The following TBCC variants were observed in gnomAD, a reference collection of about 807,000 sequenced individuals.
The protein encoded by TBCC is tubulin folding cofactor C.
In TBCC, 25 loss-of-function variants were observed where a neutral mutation model predicts 25.3. That is an observed-to-expected ratio of 0.99 (90% CI 0.72 to 1.38). The LOEUF (loss-of-function observed/expected upper bound fraction) is 1.38. TBCC is among the 40% of genes most tolerant of loss of function. TBCC has a pLI of 0.00. For missense variants in TBCC, 507 were observed against 447.2 expected (o/e 1.13, Z -1.21); for synonymous variants, 226 against 192.8 (o/e 1.17, Z -1.43).
In TBCC at chr6:42,745,772, G is replaced by C. The variant is rs867399639; in HGVS notation, c.302C>G (p.Ser101Ter). ...LQGLQKLINDSVFFLAAYDLR... is the reference protein window; with the variant it reads ...LQGLQKLIND Reference sequence around the variant, plus strand: ...GTCGTAAGCGGCTAGGAAAAAAACTGAGTCGTTGATTAGTTTCTGCAGCCC... The same window carrying C: ...GTCGTAAGCGGCTAGGAAAAAAACTCAGTCGTTGATTAGTTTCTGCAGCCC... Residue 101 changes from serine (S) to a stop codon, truncating the protein, a stop_gained, in exon 1 of 1, where the codon TCA becomes TGA. Transcript: ENST00000372876. LOFTEE classifies it high-confidence loss of function. This position sits in a 1 kb window ranked among gnomAD's most constrained non-coding sequence, Gnocchi z 4.2. 12 of 1,613,856 alleles carry C rather than the reference G, an allele frequency of 7.4e-6. No homozygotes were observed. Among genetic ancestry groups the C allele is most frequent in the Middle Eastern group, 1.7e-4 (1 of 6,060 alleles).
chr6:42,745,854 G>C lies in TBCC; in HGVS notation c.220C>G (p.Leu74Val). 1 of 1,613,626 alleles carries C rather than the reference G, an allele frequency of 6.2e-7. No homozygotes were observed. Among genetic ancestry groups the C allele is most frequent in the Non-Finnish European group, 8.5e-7 (1 of 1,180,038 alleles). ...TCGACCGACTCCGCGCGCTCCAGAA[G>C]CTCTTCCACGGCCGCTCGCTCCCGA... is the stretch of plus-strand genomic sequence containing the variant. The part of the protein sequence containing the change: ...FVRERAAVEE[L>V]LERAESVERL... Residue 74 changes from leucine (L) to valine (V), a missense_variant, in exon 1 of 1, where the codon CTT becomes GTT. Coordinates refer to ENST00000372876, the MANE Select transcript of TBCC (RefSeq NM_003192.3). The surrounding 1 kb of genome is among the most constrained non-coding windows in gnomAD (Gnocchi z 4.2).
Position 42,745,877 on chromosome 6 carries a change from C to T in TBCC, c.197G>A (p.Arg66Gln), listed in dbSNP as rs139092352. Reference protein sequence around the residue: ...NSHFFVATFVRERAAVEELLE... With the variant: ...NSHFFVATFVQERAAVEELLE... Reference sequence around the variant, plus strand: ...AAGCTCTTCCACGGCCGCTCGCTCCCGAACAAAGGTGGCGACGAAAAAGTG... The same window carrying T: ...AAGCTCTTCCACGGCCGCTCGCTCCTGAACAAAGGTGGCGACGAAAAAGTG... Residue 66 changes from arginine (R) to glutamine (Q), a missense_variant, in exon 1 of 1, where the codon CGG (arginine) becomes CAG (glutamine). Arg to Gln is a conservative substitution (Grantham distance 43). Transcript: ENST00000372876. The surrounding 1 kb of genome is among the most constrained non-coding windows in gnomAD (Gnocchi z 4.2). 2.9e-5 allele frequency: 47 copies of T among 1,613,908 alleles called. No individual in the cohort carries two copies. Among genetic ancestry groups the T allele is most frequent in the Admixed American group, 2.5e-4 (15 of 60,010 alleles).
Position 42,744,942 on chromosome 6 carries a change from G to A in TBCC, c.*91C>T. 1 of 1,215,454 alleles carries A rather than the reference G, an allele frequency of 8.2e-7. No homozygotes were observed. The highest frequency in any genetic ancestry group is 1.2e-6 in the Non-Finnish European group (1 of 855,544). The allele number at this position is 1,215,454 out of a possible 1,614,324, so 75.3% of individuals were successfully genotyped here. ...CCTTAAAATGCTGAAAACATACACA[G>A]TGTGACAATAAGTAAACTTCGAGAC... is the stretch of plus-strand genomic sequence containing the variant. On this transcript the variant is annotated 3_prime_UTR_variant, in exon 1 of 1. Transcript: ENST00000372876.
At position 42,745,038 on chromosome 6, in the gene TBCC, C is replaced by G. The variant is rs765782764; in HGVS notation, c.1036G>C (p.Asp346His). The G allele has an allele frequency of 6.2e-7, 1 of 1,613,338 alleles. No individual in the cohort carries two copies. Among genetic ancestry groups the G allele is most frequent in the Non-Finnish European group, 8.5e-7 (1 of 1,179,526 alleles). Residue 346 changes from aspartate to histidine, a missense_variant, in exon 1 of 1, where the codon GAC (aspartate) becomes CAC (histidine). Asp to His is a moderately conservative substitution (Grantham distance 81). Transcript: ENST00000372876. This position sits in a 1 kb window ranked among gnomAD's most constrained non-coding sequence, Gnocchi z 4.2. ...AAGAACAGAGTGACAACTGCTTAGTCCCACTGGATATTTCGCTCCTCTTCA... is the reference window on the plus strand; with the variant it reads ...AAGAACAGAGTGACAACTGCTTAGTGCCACTGGATATTTCGCTCCTCTTCA... ...LPEEERNIQW[D>H]
rs755648282 is a variant in TBCC at position 42,744,920 on chromosome 6, T to C, written c.*113A>G. 1.2e-5 allele frequency: 12 copies of C among 1,030,628 alleles called. No individual in the cohort carries two copies. Among genetic ancestry groups the C allele is most frequent in the Non-Finnish European group, 1.7e-5 (12 of 706,544 alleles). The allele number at this position is 1,030,628 out of a possible 1,614,324, so 63.8% of individuals were successfully genotyped here. On this transcript the variant is annotated 3_prime_UTR_variant, in exon 1 of 1. Transcript: ENST00000372876. ...AGGAGCCCATTACAATCTCTAGCCTTAAAATGCTGAAAACATACACAGTGT... is the reference window on the plus strand; with the variant it reads ...AGGAGCCCATTACAATCTCTAGCCTCAAAATGCTGAAAACATACACAGTGT...
Position 42,744,928 on chromosome 6 carries a change from T to C in TBCC, c.*105A>G, listed in dbSNP as rs997212309. ...ATTACAATCTCTAGCCTTAAAATGC[T>C]GAAAACATACACAGTGTGACAATAA... On this transcript the variant is annotated 3_prime_UTR_variant, in exon 1 of 1. Transcript: ENST00000372876. 1.7e-5 allele frequency: 19 copies of C among 1,101,836 alleles called. No individual in the cohort carries two copies. In the African/African-American group the frequency reaches 2.2e-4, roughly 13 times the overall value. The allele number at this position is 1,101,836 out of a possible 1,614,324, so 68.3% of individuals were successfully genotyped here. A position where few individuals can be genotyped will look rare whatever the true frequency, so the allele number is the denominator to read the frequency against.
rs776874448 is a variant in TBCC at position 42,745,108 on chromosome 6, G to A, written c.966C>T (p.Asn322=). 3 of 1,614,220 alleles carry A rather than the reference G, an allele frequency of 1.9e-6. No homozygotes were observed. The highest frequency in any genetic ancestry group is 2.7e-5 in the African/African-American group (2 of 75,056). Residue 322 remains asparagine, a synonymous_variant, in exon 1 of 1, where the codon AAC becomes AAT. Coordinates refer to ENST00000372876, the MANE Select transcript of TBCC (RefSeq NM_003192.3). This position sits in a 1 kb window ranked among gnomAD's most constrained non-coding sequence, Gnocchi z 4.2. ...KNNWNDVDDF[N]WLARDMASPN... ...GGGAGGCCATATCCCGGGCCAGCCAGTTAAAATCGTCAACATCGTTCCAGT... is the reference window on the plus strand; with the variant it reads ...GGGAGGCCATATCCCGGGCCAGCCAATTAAAATCGTCAACATCGTTCCAGT...
chr6:42,746,043 C>A lies in TBCC; in HGVS notation c.31G>T (p.Val11Phe). Reference protein sequence around the residue: MESVSCSAAAVRTGDMESQRD... With the variant: MESVSCSAAAFRTGDMESQRD... ...TGGGACTCCATGTCTCCGGTCCTGACAGCAGCAGCGGAGCAACTGACGGAC... is the reference window on the plus strand; with the variant it reads ...TGGGACTCCATGTCTCCGGTCCTGAAAGCAGCAGCGGAGCAACTGACGGAC... The change falls in exon 1 of 1, where the codon GTC (valine) becomes TTC (phenylalanine). Residue 11 changes from valine (V) to phenylalanine (F), a missense_variant. Transcript: ENST00000372876. 2.5e-6 allele frequency: 4 copies of A among 1,613,746 alleles called. No individual in the cohort carries two copies. The highest frequency in any genetic ancestry group is 3.4e-6 in the Non-Finnish European group (4 of 1,179,702).
In TBCC at chr6:42,745,133, T is replaced by C; in HGVS notation, c.941A>G (p.Asn314Ser). The change falls in exon 1 of 1, where the codon AAC becomes AGC. Residue 314 changes from asparagine (N) to serine (S), a missense_variant. Physicochemically the swap from Asn to Ser is conservative, Grantham distance 46. Transcript: ENST00000372876. This position sits in a 1 kb window ranked among gnomAD's most constrained non-coding sequence, Gnocchi z 4.2. ...ESSGLDRSKN[N>S]WNDVDDFNWL... is the part of the protein sequence containing the mutation. ...GTTAAAATCGTCAACATCGTTCCAG[T>C]TATTTTTGCTCCTATCTAAACCAGA... The C allele has an allele frequency of 4.3e-6, 7 of 1,614,214 alleles. No individual in the cohort carries two copies. The highest frequency in any genetic ancestry group is 5.9e-6 in the Non-Finnish European group (7 of 1,180,030).
In TBCC at chr6:42,745,510, G is replaced by C. The variant is rs1301595981; in HGVS notation, c.564C>G (p.Asn188Lys). ...LGPSWVCGFS[N>K]LESQVLEKRA... The stretch of plus-strand genomic sequence containing the variant: ...TCTTCTCCAAGACTTGGGACTCCAG[G>C]TTGGAGAAACCGCAGACCCAGCTGG... The change falls in exon 1 of 1, where the codon AAC (asparagine) becomes AAG (lysine). Residue 188 changes from asparagine to lysine, a missense_variant. Asn to Lys is a moderately conservative substitution (Grantham distance 94). Coordinates refer to ENST00000372876, the MANE Select transcript of TBCC (RefSeq NM_003192.3). The surrounding 1 kb of genome is among the most constrained non-coding windows in gnomAD (Gnocchi z 4.2). 1.2e-6 allele frequency: 2 copies of C among 1,611,454 alleles called. No homozygotes were observed. The highest frequency in any genetic ancestry group is 1.7e-6 in the Non-Finnish European group (2 of 1,178,922).
Position 42,745,743 on chromosome 6 carries a change from G to T in TBCC, c.331C>A (p.Arg111=). 1 of 1,613,896 alleles carries T rather than the reference G, an allele frequency of 6.2e-7. No homozygotes were observed. Among genetic ancestry groups the T allele is most frequent in the Non-Finnish European group, 8.5e-7 (1 of 1,179,970 alleles). The change falls in exon 1 of 1, where the codon CGG becomes AGG. Residue 111 remains arginine (R), a synonymous_variant. Coordinates refer to ENST00000372876, the MANE Select transcript of TBCC (RefSeq NM_003192.3). This position sits in a 1 kb window ranked among gnomAD's most constrained non-coding sequence, Gnocchi z 4.2. ...CGCGCCAGCGCCTCTTGTCCCTGCC[G>T]CAGGTCGTAAGCGGCTAGGAAAAAA... The part of the protein sequence containing the change: ...SVFFLAAYDL[R]QGQEALARLQ...
rs1562443238 is a variant in TBCC, at chr6:42,745,957, T to C, written c.117A>G (p.Glu39=). The C allele has an allele frequency of 1.2e-6, 2 of 1,614,218 alleles. No individual in the cohort carries two copies. Among genetic ancestry groups the C allele is most frequent in the Non-Finnish European group, 1.7e-6 (2 of 1,180,036 alleles). The change falls in exon 1 of 1, where the codon GAA becomes GAG. Residue 39 remains glutamate, a synonymous_variant. Coordinates refer to ENST00000372876, the MANE Select transcript of TBCC (RefSeq NM_003192.3). The surrounding 1 kb of genome is among the most constrained non-coding windows in gnomAD (Gnocchi z 4.2). ...GCCGCTTTTGTTTCCGCCTTTCAACTTCCAGCTGCCGTTCTTGTTCGCGTC... is the reference window on the plus strand; with the variant it reads ...GCCGCTTTTGTTTCCGCCTTTCAACCTCCAGCTGCCGTTCTTGTTCGCGTC... ...LQRREQERQL[E]VERRKQKRQN...
In TBCC at chr6:42,745,857, C is replaced by G; in HGVS notation, c.217G>C (p.Glu73Gln). The G allele has an allele frequency of 6.2e-7, 1 of 1,613,724 alleles. No homozygotes were observed. Among genetic ancestry groups the G allele is most frequent in the Non-Finnish European group, 8.5e-7 (1 of 1,180,034 alleles). Residue 73 changes from glutamate (E) to glutamine (Q), a missense_variant, in exon 1 of 1, where the codon GAG becomes CAG. Glu to Gln is a conservative substitution (Grantham distance 29, BLOSUM62 2). Transcript: ENST00000372876. This position sits in a 1 kb window ranked among gnomAD's most constrained non-coding sequence, Gnocchi z 4.2. ...TFVRERAAVE[E>Q]LLERAESVER... ...ACCGACTCCGCGCGCTCCAGAAGCTCTTCCACGGCCGCTCGCTCCCGAACA... is the reference window on the plus strand; with the variant it reads ...ACCGACTCCGCGCGCTCCAGAAGCTGTTCCACGGCCGCTCGCTCCCGAACA...
Position 42,745,122 on chromosome 6 carries a change from C to T in TBCC, c.952G>A (p.Val318Ile), listed in dbSNP as rs770453007. 16 of 1,614,122 alleles carry T rather than the reference C, an allele frequency of 9.9e-6. No homozygotes were observed. In the African/African-American group the frequency reaches 1.7e-4, roughly 17 times the overall value. ...CGGGCCAGCCAGTTAAAATCGTCAA[C>T]ATCGTTCCAGTTATTTTTGCTCCTA... ...LDRSKNNWND[V>I]DDFNWLARDM... The change falls in exon 1 of 1, where the codon GTT (valine) becomes ATT (isoleucine). Residue 318 changes from valine to isoleucine, a missense_variant. By Grantham distance (29) the Val-to-Ile change is conservative. Coordinates refer to ENST00000372876, the MANE Select transcript of TBCC (RefSeq NM_003192.3). This position sits in a 1 kb window ranked among gnomAD's most constrained non-coding sequence, Gnocchi z 4.2.
chr6:42,745,921 C>G lies in TBCC; in HGVS notation c.153G>C (p.Glu51Asp), dbSNP rs371722048. ...ERRKQKRQNQ[E>D]VEKENSHFFV... is the part of the protein sequence containing the mutation. ...AAAAGTGGCTGTTCTCCTTCTCTAC[C>G]TCCTGGTTCTGCCGCTTTTGTTTCC... The change falls in exon 1 of 1, where the codon GAG becomes GAC. Residue 51 changes from glutamate (E) to aspartate (D), a missense_variant. Physicochemically the swap from Glu to Asp is conservative, Grantham distance 45. Coordinates refer to ENST00000372876, the MANE Select transcript of TBCC (RefSeq NM_003192.3). The surrounding 1 kb of genome is among the most constrained non-coding windows in gnomAD (Gnocchi z 4.2). The G allele has an allele frequency of 8.1e-6, 13 of 1,614,210 alleles. No homozygotes were observed. The highest frequency in any genetic ancestry group is 1.1e-5 in the South Asian group (1 of 91,088).
Position 42,745,685 on chromosome 6 carries a change from C to G in TBCC, c.389G>C (p.Gly130Ala). ...LQAALAERRRGLQPKKRFAFK... is the reference protein window; with the variant it reads ...LQAALAERRRALQPKKRFAFK... ...AGCGAAACGCTTCTTGGGCTGCAGC[C>G]CCCGGCGCCGCTCGGCCAAGGCCGC... is the stretch of plus-strand genomic sequence containing the variant. The change falls in exon 1 of 1, where the codon GGG becomes GCG. Residue 130 changes from glycine to alanine, a missense_variant. Physicochemically the swap from Gly to Ala is moderately conservative, Grantham distance 60. Coordinates refer to ENST00000372876, the MANE Select transcript of TBCC (RefSeq NM_003192.3). This position sits in a 1 kb window ranked among gnomAD's most constrained non-coding sequence, Gnocchi z 4.2. 1 of 1,611,906 alleles carries G rather than the reference C, an allele frequency of 6.2e-7. No homozygotes were observed. Among genetic ancestry groups the G allele is most frequent in the Non-Finnish European group, 8.5e-7 (1 of 1,179,218 alleles).
rs1374657843 is a variant in TBCC at position 42,745,455 on chromosome 6, G to T, written c.619C>A (p.Leu207Ile). ...GTGCAGTTGCTCAGTTCGGTCAAAA[G>T]AACGTCGCGCTGGTGCAACTCGCTG... ...RASELHQRDVLLTELSNCTVR... is the reference protein window; with the variant it reads ...RASELHQRDVILTELSNCTVR... Residue 207 changes from leucine to isoleucine, a missense_variant, in exon 1 of 1, where the codon CTT (leucine) becomes ATT (isoleucine). Transcript: ENST00000372876. This position sits in a 1 kb window ranked among gnomAD's most constrained non-coding sequence, Gnocchi z 4.2. 1 of 1,614,006 alleles carries T rather than the reference G, an allele frequency of 6.2e-7. No homozygotes were observed. The highest frequency in any genetic ancestry group is 1.7e-5 in the Admixed American group (1 of 59,972).
chr6:42,744,976 G>A lies in TBCC; in HGVS notation c.*57C>T, dbSNP rs1402370974. On this transcript the variant is annotated 3_prime_UTR_variant, in exon 1 of 1. Coordinates refer to ENST00000372876, the MANE Select transcript of TBCC (RefSeq NM_003192.3). ...TAAGTAAACTTCGAGACCCAATAAG[G>A]GGGAAAGTCCAACGTGGAAAGTATT... The A allele has an allele frequency of 9.8e-6, 15 of 1,535,416 alleles. No individual in the cohort carries two copies. Among genetic ancestry groups the A allele is most frequent in the Non-Finnish European group, 1.2e-5 (14 of 1,124,892 alleles).
In TBCC at chr6:42,745,869, C is replaced by T; in HGVS notation, c.205G>A (p.Ala69Thr). The change falls in exon 1 of 1, where the codon GCG (alanine) becomes ACG (threonine). Residue 69 changes from alanine to threonine, a missense_variant. Coordinates refer to ENST00000372876, the MANE Select transcript of TBCC (RefSeq NM_003192.3). The surrounding 1 kb of genome is among the most constrained non-coding windows in gnomAD (Gnocchi z 4.2). ...CGCTCCAGAAGCTCTTCCACGGCCG[C>T]TCGCTCCCGAACAAAGGTGGCGACG... is the stretch of plus-strand genomic sequence containing the variant. ...FFVATFVRERAAVEELLERAE... is the reference protein window; with the variant it reads ...FFVATFVRERTAVEELLERAE... 2 of 1,613,930 alleles carry T rather than the reference C, an allele frequency of 1.2e-6. No individual in the cohort carries two copies. The highest frequency in any genetic ancestry group is 1.3e-5 in the African/African-American group (1 of 75,082).
Sources: gnomAD v4.1 joint callset for allele counts on GRCh38, gnomAD v4.1.1 for gene constraint, Gnocchi (gnomAD v3.1) non-coding constraint, MANE v1.5 for transcripts, NCBI Gene and HGNC (gene_info 2026-07-23, HGNC 2026-07-21) for gene names.